Variants in EPHA7 observed in about 807,000 individuals in gnomAD.
The protein encoded by EPHA7 is ephrin type-A receptor 7.
EPHA7 carries 25 observed loss-of-function variants against 112.6 expected under a neutral mutation model. The observed-to-expected ratio is 0.22, with a 90% CI of 0.16 to 0.31. The LOEUF is 0.31. Ranked by LOEUF, EPHA7 falls within the 10% of genes least tolerant of loss-of-function variation. The pLI, the probability that EPHA7 is intolerant of heterozygous loss-of-function variation, is 1.00. For synonymous variants in EPHA7, 437 were observed against 406.5 expected (o/e 1.07, Z -0.90); for missense variants, 962 against 1,212.6 (o/e 0.79, Z 3.07).
intron 3 of EPHA7, among the ~76,000 whole-genome samples, chr6:93,369,321 A>G (rs1272574770): frequency 6.6e-6 from 1 of 151,958 alleles, no homozygotes; most frequent in African/African-American, 2.4e-5. Flanking sequence ...TTAATTGCTG[A>G]TTTTTACCTC....
chr6:93,340,198 G>A lies in EPHA7; in HGVS notation c.1324+16519C>T, dbSNP rs552765864. The stretch of plus-strand genomic sequence containing the variant: ...AAACAGGATATATACATATCTGAGT[G>A]TGTATGTATACGTGTGTATATGTGT... On this transcript the variant is annotated intron_variant, in intron 5 of 16. Coordinates refer to ENST00000369303, the MANE Select transcript of EPHA7 (RefSeq NM_004440.4). 2.6e-5 allele frequency among the ~76,000 whole-genome samples: 4 copies of A among 151,882 alleles called. No homozygotes were observed. In the South Asian group the frequency reaches 8.3e-4, roughly 32 times the overall value.
intron 2 of EPHA7, among the ~76,000 whole-genome samples, chr6:93,412,376 A>T (rs1223396412): frequency 6.6e-6 from 1 of 152,130 alleles, no homozygotes; most frequent in African/African-American, 2.4e-5. Flanking sequence ...TGTTCTGTAC[A>T]ATATTAATGT....
intron 3 of EPHA7, among the ~76,000 whole-genome samples, chr6:93,407,504 T>C (rs2127992554): frequency 6.6e-6 from 1 of 152,184 alleles, no homozygotes; most frequent in East Asian, 1.9e-4. Context: ...GTAGAAGGTA[T>C]TTAATTCTTT....
At chr6:93,273,464 T>C (rs115275269) in intron 5 of EPHA7, among the ~76,000 whole-genome samples, 1 of 151,970 alleles carries the variant, frequency 6.6e-6, no homozygotes, top group Non-Finnish European at 1.5e-5. Context: ...CCTTCCGATG[T>C]TTATCCCTTT....
intron 3 of EPHA7, among the ~76,000 whole-genome samples, chr6:93,379,802 C>T (rs1470068042): frequency 1.3e-5 from 2 of 151,954 alleles, no homozygotes; most frequent in African/African-American, 2.4e-5. Flanking sequence ...TAAAGACATA[C>T]ACCTAGACAT....
intron 5 of EPHA7, among the ~76,000 whole-genome samples, chr6:93,331,577 A>G (rs1000227381): frequency 6.6e-6 from 1 of 151,480 alleles, no homozygotes; most frequent in Non-Finnish European, 1.5e-5. Context: ...ATGTACACAC[A>G]TAAACATTTT....
In EPHA7 at chr6:93,395,800, C is replaced by A. The variant is rs941482068; in HGVS notation, c.832+14701G>T. 1.3e-5 allele frequency among the ~76,000 whole-genome samples: 2 copies of A among 151,860 alleles called. 1 individual carries two copies. The highest frequency in any genetic ancestry group is 4.1e-4 in the South Asian group (2 of 4,830). ...AGGGTTAGAATCTGACAGAAAGCTG[C>A]CACTGAAGAAGATGGATGATCCTCC... is the stretch of plus-strand genomic sequence containing the variant. On this transcript the variant is annotated intron_variant, in intron 3 of 16. Coordinates refer to ENST00000369303, the MANE Select transcript of EPHA7 (RefSeq NM_004440.4).
intron 5 of EPHA7, among the ~76,000 whole-genome samples, chr6:93,304,224 ATAC>A (rs1473810836): frequency 1.3e-5 from 2 of 151,134 alleles, no homozygotes; most frequent in African/African-American, 4.8e-5. Flanking sequence ...TACTTGTAGT[ATAC>A]ACTGAGCAAG....
At chr6:93,406,830 C>G (rs1324996787) in intron 3 of EPHA7, among the ~76,000 whole-genome samples, 1 of 151,774 alleles carries the variant, frequency 6.6e-6, no homozygotes, top group Non-Finnish European at 1.5e-5. Context: ...TTTTATTAGT[C>G]TTCCCGAAAT....
chr6:93,316,543 C>T (rs1385189510), intron 5 of EPHA7, among the ~76,000 whole-genome samples: 1 of 152,034 alleles, frequency 6.6e-6, no homozygotes, highest in African/African-American at 2.4e-5. Context: ...TCTGTGAAAA[C>T]ATCTATACTT....
intron 6 of EPHA7, among the ~76,000 whole-genome samples, chr6:93,270,606 T>C (rs987296900): frequency 9.2e-5 from 14 of 151,818 alleles, no homozygotes; most frequent in African/African-American, 3.1e-4. Flanking sequence ...TTCAACTTTA[T>C]CTGGCAATGA....
chr6:93,328,127 C>T (rs773073099), intron 5 of EPHA7, among the ~76,000 whole-genome samples: 5 of 151,542 alleles, frequency 3.3e-5, no homozygotes, highest in East Asian at 1.9e-4. Flanking sequence ...ACTCTTCTTC[C>T]GTTTGGCTTT....
chr6:93,249,561 A>G (rs1770114470), intron 14 of EPHA7, among the ~76,000 whole-genome samples: 1 of 152,026 alleles, frequency 6.6e-6, no homozygotes, highest in South Asian at 2.1e-4. Flanking sequence ...TTTGTCTTTG[A>G]GGCTGCTTCT....
At chr6:93,361,905 A>G (rs1174742606) in intron 3 of EPHA7, among the ~76,000 whole-genome samples, 1 of 152,128 alleles carries the variant, frequency 6.6e-6, no homozygotes, top group Non-Finnish European at 1.5e-5. Context: ...ATAGCATTGT[A>G]ACTTTGTGTC....
At chr6:93,345,950 T>C (rs1010813409) in intron 5 of EPHA7, among the ~76,000 whole-genome samples, 7 of 151,572 alleles carry the variant, frequency 4.6e-5, no homozygotes, top group African/African-American at 7.3e-5. Context: ...ATAATCAACA[T>C]TTACTCCCTC....
chr6:93,299,101 C>T (rs1772830251), intron 5 of EPHA7, among the ~76,000 whole-genome samples: 1 of 149,884 alleles, frequency 6.7e-6, no homozygotes, highest in East Asian at 1.9e-4. Context: ...CCGAGGCGGG[C>T]GGATCAAGAG....
At chr6:93,260,701 T>C (rs1770647390) in intron 9 of EPHA7, 7 of 979,628 alleles carry the variant, frequency 7.1e-6, no homozygotes, top group Non-Finnish European at 8.5e-6. Flanking sequence ...CTGTAGTTGA[T>C]TGTTTATCCA....
intron 2 of EPHA7, among the ~76,000 whole-genome samples, chr6:93,413,692 A>G (rs1287204322): frequency 6.6e-6 from 1 of 151,954 alleles, no homozygotes; most frequent in Non-Finnish European, 1.5e-5. Flanking sequence ...AATGAAAGGA[A>G]TCTTAAAAAT....
At position 93,282,618 on chromosome 6, in the gene EPHA7, G is replaced by A. The variant is rs373006365; in HGVS notation, c.1325-10196C>T. Among the ~76,000 whole-genome samples the A allele has an allele frequency of 2.0e-5, 3 of 152,240 alleles. 1 individual carries two copies. Among genetic ancestry groups the A allele is most frequent in the Admixed American group, 6.5e-5 (1 of 15,300 alleles). On this transcript the variant is annotated intron_variant, in intron 5 of 16. Coordinates refer to ENST00000369303, the MANE Select transcript of EPHA7 (RefSeq NM_004440.4). The stretch of plus-strand genomic sequence containing the variant: ...TTTTGGGCTGGCCAAGGCTGGAGCC[G>A]GCTCCTTCAGCTTGCGGGGAGGTGT...
Sources: allele counts gnomAD v4.1 joint callset (sites outside exome capture counted in the v4.1 genomes callset), GRCh38; gene constraint gnomAD v4.1.1; transcripts MANE v1.5; gene names NCBI Gene and HGNC (gene_info 2026-07-23, HGNC 2026-07-21).